Variants in A2ML1 observed in about 807,000 individuals in gnomAD.
A2ML1 encodes the protein alpha-2-macroglobulin-like protein 1.
Under a neutral mutation model 181.9 loss-of-function variants are expected in A2ML1, and 161 were observed. That is an observed-to-expected ratio of 0.89 (90% CI 0.78 to 1.01). The LOEUF is 1.01. A2ML1 is among the 50% of genes least tolerant of loss of function. The probability of loss-of-function intolerance (pLI) is 0.00; values close to 1 mark genes in which losing one functional copy is unlikely to be tolerated. For missense variants in A2ML1, 1,670 were observed against 1,768.1 expected (o/e 0.94, Z 1.00); for synonymous variants, 663 against 666.8 (o/e 0.99, Z 0.09).
intron 7 of A2ML1, 135 bp from the exon 8 acceptor site, chr12:8,837,305 C>A: frequency 8.8e-7 from 1 of 1,141,990 alleles, no homozygotes; most frequent in Non-Finnish European, 1.2e-6. Context: ...CAGGCGTGAG[C>A]CACTGCACTG....
rs1944110329 is a variant in A2ML1 at position 8,857,498 on chromosome 12, G to A, written c.3026-9G>A. On this transcript the variant is annotated splice_polypyrimidine_tract_variant and intron_variant, in intron 24 of 35. Coordinates refer to ENST00000299698, the MANE Select transcript of A2ML1 (RefSeq NM_144670.6). ...TCGCTGTGATCTAAAACCACATTTG[G>A]CTTCCCAGGGTACCAGAAGGAGCTG... 6.2e-7 allele frequency: 1 copy of A among 1,611,454 alleles called. No homozygotes were observed. Among genetic ancestry groups the A allele is most frequent in the Non-Finnish European group, 8.5e-7 (1 of 1,179,024 alleles).
At chr12:8,860,852 T>A in intron 26 of A2ML1, 29 bp from the exon 27 acceptor site, 2 of 1,608,808 alleles carry the variant, frequency 1.2e-6, no homozygotes, top group Non-Finnish European at 1.7e-6. Flanking sequence ...CCTGCTGCCC[T>A]GACTCACTGC....
At chr12:8,868,759 T>C in intron 32 of A2ML1, 132 bp downstream of exon 32, 1 of 646,376 alleles carries the variant, frequency 1.5e-6, no homozygotes, top group Non-Finnish European at 2.7e-6. Context: ...CATACATATA[T>C]ATGTATGTAT....
At chr12:8,868,511 A>G (rs961200744) in intron 31 of A2ML1, 26 bp from the exon 32 acceptor site, 4 of 1,611,886 alleles carry the variant, frequency 2.5e-6, no homozygotes, top group African/African-American at 1.3e-5. Context: ...ATAGGCTCAC[A>G]TGTGTTTTCT....
chr12:8,857,029 A>G (rs1480460555), intron 23 of A2ML1, 135 bp from the exon 24 acceptor site: 3 of 813,904 alleles, frequency 3.7e-6, no homozygotes, highest in Non-Finnish European at 5.6e-6. Flanking sequence ...TACAGGCGTG[A>G]GCCACCACGC....
chr12:8,836,532 G>A (rs928683727), intron 7 of A2ML1, among the ~76,000 whole-genome samples, 193 bp downstream of exon 7: 4 of 147,244 alleles, frequency 2.7e-5, no homozygotes, highest in Non-Finnish European at 5.9e-5. Flanking sequence ...TTCCCAGGCT[G>A]GAGTGCAATC....
Position 8,839,151 on chromosome 12 carries a change from C to A in A2ML1, c.1009C>A (p.Pro337Thr), listed in dbSNP as rs1276139548. 3 of 1,613,592 alleles carry A rather than the reference C, an allele frequency of 1.9e-6. No homozygotes were observed. Among genetic ancestry groups the A allele is most frequent in the Non-Finnish European group, 2.5e-6 (3 of 1,179,680 alleles). The change falls in exon 10 of 36, where the codon CCA becomes ACA. Residue 337 changes from proline to threonine, a missense_variant. Physicochemically the swap from Pro to Thr is conservative, Grantham distance 38. Coordinates refer to ENST00000299698, the MANE Select transcript of A2ML1 (RefSeq NM_144670.6). ...ANATQNIYISPQMGSMTFEDT... is the reference protein window; with the variant it reads ...ANATQNIYISTQMGSMTFEDT... ...TGCCACTCAGAATATCTACATTTCT[C>A]CACAAATGGGATCAATGACCTTTGA...
chr12:8,882,732 A>G (rs1204884498), intron 7 of A2ML1, among the ~76,000 whole-genome samples: 1 of 152,142 alleles, frequency 6.6e-6, no homozygotes, highest in Non-Finnish European at 1.5e-5. Context: ...GAAGTTGAGG[A>G]AGGAGGATCA....
chr12:8,869,378 C>T (rs934662243), intron 33 of A2ML1, among the ~76,000 whole-genome samples, 175 bp downstream of exon 33: 6 of 152,094 alleles, frequency 3.9e-5, no homozygotes, highest in Non-Finnish European at 5.9e-5. Flanking sequence ...CCCCATTGTG[C>T]CTCTAGAGGA....
At chr12:8,845,156 T>A in intron 12 of A2ML1, 1 of 1,492,740 alleles carries the variant, frequency 6.7e-7, no homozygotes, top group Non-Finnish European at 8.9e-7. Flanking sequence ...CTTCAAGAAA[T>A]GGCAGACAGT....
chr12:8,858,046 C>T lies in A2ML1; in HGVS notation c.3208C>T (p.Gln1070Ter). 6.2e-7 allele frequency: 1 copy of T among 1,614,156 alleles called. No homozygotes were observed. Among genetic ancestry groups the T allele is most frequent in the Non-Finnish European group, 8.5e-7 (1 of 1,180,022 alleles). Residue 1070 changes from glutamine to a stop codon, truncating the protein, a stop_gained, in exon 26 of 36, where the codon CAG (glutamine) becomes TAG (stop). Coordinates refer to ENST00000299698, the MANE Select transcript of A2ML1 (RefSeq NM_144670.6). LOFTEE classifies it high-confidence loss of function. Reference protein sequence around the residue: ...QDALKWMAGNQLPSGCYANVG... With the variant: ...QDALKWMAGN ...TGCTCTCAAGTGGATGGCAGGAAACCAGCTCCCCAGTGGCTGCTATGCCAA... is the reference window on the plus strand; with the variant it reads ...TGCTCTCAAGTGGATGGCAGGAAACTAGCTCCCCAGTGGCTGCTATGCCAA...
At chr12:8,863,132 G>A (rs1282005364) in intron 28 of A2ML1, among the ~76,000 whole-genome samples, 5 of 147,098 alleles carry the variant, frequency 3.4e-5, no homozygotes, top group East Asian at 2.0e-4. Context: ...ACTGGGTTTC[G>A]CTCTTGTTTT....
rs199651558 is a variant in A2ML1 at position 8,854,214 on chromosome 12, C to T, written c.2677C>T (p.Arg893Ter). The change falls in exon 21 of 36, where the codon CGA becomes TGA. Residue 893 changes from arginine (R) to a stop codon, truncating the protein, a stop_gained. Transcript: ENST00000299698. LOFTEE classifies it high-confidence loss of function. The stretch of plus-strand genomic sequence containing the variant: ...GAAGGGGTTTGTTCCCCAAAAGGGC[C>T]GAAGTGACACGCTCATCAAGCCAGT... ...GQKGFVPQKG[R>*]SDTLIKPVLV... 214 of 1,608,412 alleles carry T rather than the reference C, an allele frequency of 1.3e-4. No individual in the cohort carries two copies. Among genetic ancestry groups the T allele is most frequent in the Middle Eastern group, 6.7e-4 (4 of 5,984 alleles).
intron 7 of A2ML1, among the ~76,000 whole-genome samples, chr12:8,886,010 T>TCACACACA (rs35294269): frequency 0.15 from 21,609 of 144,784 alleles, 1,679 homozygotes; most frequent in African/African-American, 0.19. Context: ...CAACAATATC[T>TCACACACA]CACACACACA....
chr12:8,858,518 C>T (rs920351681), intron 26 of A2ML1, among the ~76,000 whole-genome samples: 3 of 152,040 alleles, frequency 2.0e-5, no homozygotes, highest in Admixed American at 2.0e-4. Flanking sequence ...CCCAGGAGGT[C>T]AAGCCTGCAG....
At chr12:8,829,246 G>C (rs1258231686) in intron 3 of A2ML1, among the ~76,000 whole-genome samples, 1 of 152,156 alleles carries the variant, frequency 6.6e-6, no homozygotes, top group Non-Finnish European at 1.5e-5. Context: ...TCTGCCTCCT[G>C]AGCTCCAGGC....
intron 11 of A2ML1, among the ~76,000 whole-genome samples, chr12:8,842,440 C>G (rs1192143798): frequency 6.6e-6 from 1 of 152,020 alleles, no homozygotes; most frequent in East Asian, 1.9e-4. Context: ...AGGATGGTCT[C>G]GATCTCCTGA....
Position 8,847,566 on chromosome 12 carries a change from C to T in A2ML1, c.1701C>T (p.Ser567=). The T allele has an allele frequency of 6.2e-7, 1 of 1,611,274 alleles. No homozygotes were observed. ...TTCCCCAGGTTTCCCTTGGCTTCTC[C>T]CCCTCCCAGCAGCTTCCAGGAGCAG... is the stretch of plus-strand genomic sequence containing the variant. ...CFDNQVSLGF[S]PSQQLPGAEV... is the part of the protein sequence containing the mutation. The change falls in exon 15 of 36, where the codon TCC becomes TCT. Residue 567 remains serine (S), a synonymous_variant. Coordinates refer to ENST00000299698, the MANE Select transcript of A2ML1 (RefSeq NM_144670.6).
At chr12:8,836,378 T>G in intron 7 of A2ML1, 39 bp downstream of exon 7, 1 of 1,559,488 alleles carries the variant, frequency 6.4e-7, no homozygotes, top group South Asian at 1.1e-5. Context: ...AGATTAAAGA[T>G]GCATCGAGAG....
Sources: gnomAD v4.1 joint callset for allele counts (sites outside exome capture counted in the v4.1 genomes callset) on GRCh38, gnomAD v4.1.1 for gene constraint, MANE v1.5 for transcripts, NCBI Gene and HGNC (gene_info 2026-07-23, HGNC 2026-07-21) for gene names.